Variants in ELF2 observed in about 807,000 individuals in gnomAD.
The protein encoded by ELF2 is ETS-related transcription factor Elf-2.
Under a neutral mutation model 54.8 loss-of-function variants are expected in ELF2, and 11 were observed. That is an observed-to-expected ratio of 0.20 (90% CI 0.13 to 0.33). ELF2 has a LOEUF of 0.33. Ranked by LOEUF, ELF2 falls within the 10% of genes least tolerant of loss-of-function variation. ELF2 has a pLI of 1.00. For missense variants in ELF2, 513 were observed against 703.0 expected (o/e 0.73, Z 3.06); for synonymous variants, 203 against 245.1 (o/e 0.83, Z 1.61).
chr4:139,084,122 C>G (rs1296639635), intron 4 of ELF2: 13 of 1,613,294 alleles, frequency 8.1e-6, no homozygotes, highest in Non-Finnish European at 1.0e-5. Flanking sequence ...GAAAAGTTCC[C>G]CTGTCCTTAC....
intron 7 of ELF2, chr4:139,066,782 A>G (rs1728776460): frequency 6.6e-6 from 1 of 151,640 alleles, no homozygotes; most frequent in African/African-American, 2.4e-5. Context: ...AGTCCCAGCT[A>G]CTTGGGAGGC....
chr4:139,081,739 C>T (rs77773071), intron 4 of ELF2, among the ~76,000 whole-genome samples: 1 of 152,152 alleles, frequency 6.6e-6, no homozygotes, highest in African/African-American at 2.4e-5. Context: ...TCCTAATCTT[C>T]TGGGCCATCT....
Position 139,064,014 on chromosome 4 carries a change from T to C in ELF2, c.614-1957A>G, listed in dbSNP as rs144980055. Among the ~76,000 whole-genome samples the C allele has an allele frequency of 2.7e-3, 409 of 152,222 alleles. 1 individual carries two copies. The highest frequency in any genetic ancestry group is 9.1e-3 in the African/African-American group (380 of 41,546). The stretch of plus-strand genomic sequence containing the variant: ...CTCTAGGTGCCAAGGTTCTTATTAA[T>C]AGAAGAACAGAAGGCTGGACGAGGT... On this transcript the variant is annotated intron_variant, in intron 7 of 9. Coordinates refer to ENST00000686138, the MANE Select transcript of ELF2 (RefSeq NM_001331036.3).
intron 6 of ELF2, 51 bp downstream of exon 6, chr4:139,071,810 AAAGAT>A: frequency 1.3e-6 from 2 of 1,513,284 alleles, no homozygotes; most frequent in African/African-American, 2.8e-5. Context: ...TGATGAGGAA[AAAGAT>A]AAGAGAAAAA....
At chr4:139,117,598 G>T (rs1215007019) in intron 4 of ELF2, among the ~76,000 whole-genome samples, 1 of 152,106 alleles carries the variant, frequency 6.6e-6, no homozygotes, top group East Asian at 1.9e-4. Context: ...AGGAGACTGA[G>T]GCACAAGAAT....
At chr4:139,110,330 C>T (rs1734836763) in intron 4 of ELF2, among the ~76,000 whole-genome samples, 1 of 152,080 alleles carries the variant, frequency 6.6e-6, no homozygotes, top group Non-Finnish European at 1.5e-5. Flanking sequence ...CCTGTTGTGA[C>T]CAAAGACAGA....
intron 7 of ELF2, among the ~76,000 whole-genome samples, chr4:139,062,386 G>A (rs1210664481): frequency 6.6e-6 from 1 of 152,072 alleles, no homozygotes; most frequent in African/African-American, 2.4e-5. Flanking sequence ...GGCCAGGCTG[G>A]TCTTGAACTC....
chr4:139,143,319 T>C (rs760976784), intron 1 of ELF2, among the ~76,000 whole-genome samples: 1 of 152,216 alleles, frequency 6.6e-6, no homozygotes, highest in African/African-American at 2.4e-5. Context: ...TCACTGATTA[T>C]TGCTTCTGAT....
chr4:139,105,717 C>T (rs72949617), intron 4 of ELF2, among the ~76,000 whole-genome samples: 2,250 of 152,162 alleles, frequency 0.015, 61 homozygotes, highest in African/African-American at 0.051. Flanking sequence ...AGATTCCATC[C>T]CTACCAAAAA....
Position 139,150,830 on chromosome 4 carries a change from C to G in ELF2, c.-251-11333G>C, listed in dbSNP as rs560549384. ...AAGGTCAGGAGATTGAGACCATCCT[C>G]GCTAACACGGTGAAACCCGTCTCTA... On this transcript the variant is annotated intron_variant, in intron 1 of 9. Coordinates refer to ENST00000686138, the MANE Select transcript of ELF2 (RefSeq NM_001331036.3). 9.9e-5 allele frequency among the ~76,000 whole-genome samples: 15 copies of G among 151,764 alleles called. No individual in the cohort carries two copies. The East Asian group carries it at 2.1e-3, about 22-fold the overall frequency.
At chr4:139,138,421 A>G (rs112996071) in intron 2 of ELF2, among the ~76,000 whole-genome samples, 171 of 126,214 alleles carry the variant, frequency 1.4e-3, no homozygotes, top group African/African-American at 6.0e-3. Flanking sequence ...ACCTCAAAAA[A>G]AAAAAAAAGT....
At chr4:139,084,568 G>C (rs1396585925) in intron 4 of ELF2, 11 of 325,120 alleles carry the variant, frequency 3.4e-5, no homozygotes, top group Admixed American at 6.3e-5. Context: ...CCTGCGGCGA[G>C]AGACACCTGA....
intron 3 of ELF2, among the ~76,000 whole-genome samples, chr4:139,127,595 T>G (rs186789108): frequency 6.6e-6 from 1 of 152,082 alleles, no homozygotes; most frequent in Admixed American, 6.5e-5. Context: ...GTCAAAACAA[T>G]AGCACCTCTG....
chr4:139,169,086 G>A (rs998139915), intron 1 of ELF2, among the ~76,000 whole-genome samples: 3 of 151,780 alleles, frequency 2.0e-5, no homozygotes, highest in African/African-American at 4.8e-5. Flanking sequence ...GGCAGATCAC[G>A]CTTGTAATCC....
At chr4:139,141,632 C>T (rs901724) in intron 1 of ELF2, among the ~76,000 whole-genome samples, 4,080 of 152,284 alleles carry the variant, frequency 0.027, 96 homozygotes, top group African/African-American at 0.064. Flanking sequence ...TGGCCCCCCA[C>T]AAAGTCTTCA....
intron 4 of ELF2, among the ~76,000 whole-genome samples, chr4:139,101,254 C>T (rs150376918): frequency 6.6e-6 from 1 of 152,204 alleles, no homozygotes; most frequent in Non-Finnish European, 1.5e-5. Flanking sequence ...AGTTTCTTTA[C>T]AGGAGGGGCC....
At chr4:139,092,372 CGT>C (rs1732699708) in intron 4 of ELF2, among the ~76,000 whole-genome samples, 1 of 63,794 alleles carries the variant, frequency 1.6e-5, no homozygotes, top group Non-Finnish European at 3.2e-5. Context: ...GAAATCATAA[CGT>C]AACATAACAT....
At chr4:139,146,826 T>A (rs556983305) in intron 1 of ELF2, among the ~76,000 whole-genome samples, 70 of 152,126 alleles carry the variant, frequency 4.6e-4, no homozygotes, top group African/African-American at 1.6e-3. Context: ...TAGCCACAAG[T>A]AGAAAAATGA....
At chr4:139,091,393 C>A (rs1732557938) in intron 4 of ELF2, among the ~76,000 whole-genome samples, 1 of 152,126 alleles carries the variant, frequency 6.6e-6, no homozygotes, top group African/African-American at 2.4e-5. Flanking sequence ...AATAAACAAG[C>A]TCAGCATTTG....
Sources: allele counts gnomAD v4.1 joint callset (sites outside exome capture counted in the v4.1 genomes callset), GRCh38; gene constraint gnomAD v4.1.1; transcripts MANE v1.5; gene names NCBI Gene and HGNC (gene_info 2026-07-23, HGNC 2026-07-21).